The following ARHGAP15 variants were observed in gnomAD, a reference collection of about 807,000 sequenced individuals.
The protein encoded by ARHGAP15 is rho GTPase-activating protein 15.
Under a neutral mutation model 63.7 loss-of-function variants are expected in ARHGAP15, and 51 were observed. The ratio of observed to expected loss-of-function variants is 0.80; its 90% CI spans 0.64 to 1.01. ARHGAP15 has a LOEUF of 1.01. ARHGAP15 is among the 50% of genes least tolerant of loss of function. The pLI, the probability that ARHGAP15 is intolerant of heterozygous loss-of-function variation, is 0.00. For synonymous variants in ARHGAP15, 191 were observed against 193.8 expected (o/e 0.99, Z 0.12); for missense variants, 560 against 564.6 (o/e 0.99, Z 0.08).
intron 11 of ARHGAP15, among the ~76,000 whole-genome samples, chr2:143,573,506 C>T (rs1696546829): frequency 6.6e-6 from 1 of 152,076 alleles, no homozygotes; most frequent in Non-Finnish European, 1.5e-5. Flanking sequence ...GTAAAAATTA[C>T]AATAAAACTG....
At chr2:143,311,767 TTC>T (rs1392434162) in intron 6 of ARHGAP15, among the ~76,000 whole-genome samples, 1 of 152,146 alleles carries the variant, frequency 6.6e-6, no homozygotes, top group African/African-American at 2.4e-5. Flanking sequence ...CACTTCAAAT[TTC>T]TTTCTTCTCC....
chr2:143,635,209 T>A (rs1680248425), intron 12 of ARHGAP15, among the ~76,000 whole-genome samples: 1 of 141,450 alleles, frequency 7.1e-6, no homozygotes, highest in African/African-American at 2.6e-5. Flanking sequence ...TTTTTTTTTT[T>A]TTTTTTTTTT....
chr2:143,420,467 C>T (rs1558959530), intron 6 of ARHGAP15, among the ~76,000 whole-genome samples: 1 of 152,160 alleles, frequency 6.6e-6, no homozygotes, highest in Non-Finnish European at 1.5e-5. Context: ...ATCTGGGTTA[C>T]ATTACAAAAA....
At chr2:143,372,583 A>T (rs1686610382) in intron 6 of ARHGAP15, among the ~76,000 whole-genome samples, 1 of 152,106 alleles carries the variant, frequency 6.6e-6, no homozygotes, top group Admixed American at 6.5e-5. Context: ...GGGATCTGGA[A>T]ATTTTTATAT....
intron 6 of ARHGAP15, among the ~76,000 whole-genome samples, chr2:143,315,295 T>A (rs1683649247): frequency 6.6e-6 from 1 of 152,168 alleles, no homozygotes; most frequent in Non-Finnish European, 1.5e-5. Flanking sequence ...ATATTTAGGG[T>A]TTTATTTATA....
chr2:143,519,085 G>C (rs1693946671), intron 9 of ARHGAP15, 181 bp from the exon 10 acceptor site: 2 of 469,264 alleles, frequency 4.3e-6, no homozygotes, highest in African/African-American at 2.0e-5. Flanking sequence ...CGAGGGTCCT[G>C]TTCCATCAAG....
intron 12 of ARHGAP15, among the ~76,000 whole-genome samples, chr2:143,625,036 G>A (rs1056685080): frequency 6.6e-6 from 1 of 152,108 alleles, no homozygotes; most frequent in Admixed American, 6.6e-5. Flanking sequence ...CTACTGGTAC[G>A]TCTCTAAATT....
intron 8 of ARHGAP15, among the ~76,000 whole-genome samples, chr2:143,486,117 G>T (rs1300187340): frequency 1.3e-5 from 2 of 152,128 alleles, no homozygotes; most frequent in East Asian, 3.9e-4. Flanking sequence ...CCTGGACCAG[G>T]TAGATTTTCA....
intron 8 of ARHGAP15, among the ~76,000 whole-genome samples, chr2:143,441,196 C>T (rs567745967): frequency 1.3e-5 from 2 of 152,044 alleles, no homozygotes; most frequent in Non-Finnish European, 2.9e-5. Context: ...GGCATATAAG[C>T]TTGCCATCCT....
In ARHGAP15 at chr2:143,155,528, C is replaced by A. The variant is rs1690042396; in HGVS notation, c.38C>A (p.Thr13Lys). Residue 13 changes from threonine to lysine, a missense_variant, in exon 2 of 14, where the codon ACA becomes AAA. Thr to Lys is a moderately conservative substitution (Grantham distance 78, BLOSUM62 -1). Transcript: ENST00000295095. ...ACAAATTCTGATACTTCCGTGGAAA[C>A]ACTGAATTCTACCCGCCAAGGCACA... is the stretch of plus-strand genomic sequence containing the variant. ...KSTNSDTSVE[T>K]LNSTRQGTGA... The A allele has an allele frequency of 6.2e-7, 1 of 1,608,314 alleles. No homozygotes were observed. Among genetic ancestry groups the A allele is most frequent in the African/African-American group, 1.3e-5 (1 of 74,376 alleles).
At chr2:143,134,220 A>G (rs986140469) in intron 1 of ARHGAP15, among the ~76,000 whole-genome samples, 1 of 152,108 alleles carries the variant, frequency 6.6e-6, no homozygotes, top group African/African-American at 2.4e-5. Context: ...ACACATTTCC[A>G]GAAATAACAT....
chr2:143,577,494 A>G (rs1696720975), intron 11 of ARHGAP15, among the ~76,000 whole-genome samples: 1 of 152,104 alleles, frequency 6.6e-6, no homozygotes, highest in Non-Finnish European at 1.5e-5. Context: ...AGCTTCAAGC[A>G]TAACTAAATT....
At chr2:143,587,562 A>G in intron 11 of ARHGAP15, 1 of 290,618 alleles carries the variant, frequency 3.4e-6, no homozygotes, top group South Asian at 3.7e-5. Context: ...GCCTCTTTCT[A>G]TTGAATTATT....
intron 9 of ARHGAP15, among the ~76,000 whole-genome samples, chr2:143,505,371 C>T (rs73005369): frequency 6.6e-6 from 1 of 152,162 alleles, no homozygotes; most frequent in African/African-American, 2.4e-5. Flanking sequence ...AACATGATAC[C>T]TATTCATTCA....
At chr2:143,406,466 ATTC>A (rs916019918) in intron 6 of ARHGAP15, among the ~76,000 whole-genome samples, 42 of 152,026 alleles carry the variant, frequency 2.8e-4, no homozygotes, top group African/African-American at 9.6e-4. Context: ...ATTTTAAAAT[ATTC>A]TTCTTTATGA....
intron 6 of ARHGAP15, among the ~76,000 whole-genome samples, chr2:143,381,876 G>T (rs1274487710): frequency 1.3e-5 from 2 of 151,760 alleles, no homozygotes; most frequent in Non-Finnish European, 2.9e-5. Flanking sequence ...AGGGGAGGAG[G>T]TACAAATAAG....
At chr2:143,577,867 C>T (rs1042542645) in intron 11 of ARHGAP15, among the ~76,000 whole-genome samples, 1 of 152,072 alleles carries the variant, frequency 6.6e-6, no homozygotes, top group Non-Finnish European at 1.5e-5. Context: ...AAACCTGGTG[C>T]ACTATGTTCA....
At chr2:143,182,728 C>T (rs1188322732) in intron 2 of ARHGAP15, among the ~76,000 whole-genome samples, 11 of 152,134 alleles carry the variant, frequency 7.2e-5, no homozygotes, top group Non-Finnish European at 1.6e-4. Context: ...CAATCACGTG[C>T]AACAGCTGGA....
chr2:143,689,288 C>T (rs1683488125), intron 12 of ARHGAP15, among the ~76,000 whole-genome samples: 1 of 152,258 alleles, frequency 6.6e-6, no homozygotes, highest in East Asian at 1.9e-4. Flanking sequence ...TCATCTTATT[C>T]TAGTGATCTT....
Sources: allele counts gnomAD v4.1 joint callset (sites outside exome capture counted in the v4.1 genomes callset), GRCh38; gene constraint gnomAD v4.1.1; transcripts MANE v1.5; gene names NCBI Gene and HGNC (gene_info 2026-07-23, HGNC 2026-07-21).